ZDHHC2: variants seen among roughly 807,000 people sequenced by gnomAD.
The protein encoded by ZDHHC2 is palmitoyltransferase ZDHHC2.
A neutral mutation model predicts 55.6 loss-of-function variants in ZDHHC2; 51 were observed. That is an observed-to-expected ratio of 0.92 (90% CI 0.73 to 1.16). The LOEUF (loss-of-function observed/expected upper bound fraction) is 1.16, where lower values mean the gene tolerates loss of function less well. Ranked by LOEUF, ZDHHC2 falls within the 50% of genes most tolerant of loss-of-function variation. ZDHHC2 has a pLI of 0.00. For missense variants in ZDHHC2, 491 were observed against 442.4 expected, an observed-to-expected ratio of 1.11 and a Z score of -0.99; for synonymous variants, 199 against 152.9, an observed-to-expected ratio of 1.30 and a Z score of -2.22.
Position 17,222,893 on chromosome 8 carries a change from G to A in ZDHHC2, c.*2672G>A, listed in dbSNP as rs369627685. 9.2e-5 allele frequency: 14 copies of A among 151,862 alleles called. No homozygotes were observed. In the East Asian group the frequency reaches 9.6e-4, roughly 10 times the overall value. 9.4% of individuals were successfully genotyped at this position (151,862 alleles called of 1,614,324 possible). ...CTTGGGAGGGGTGGTGAGAAAATAA[G>A]GTATTTACTTTGTAGTAGTTAAGTG... On this transcript the variant is annotated 3_prime_UTR_variant, in exon 13 of 13. Transcript: ENST00000262096.
At chr8:17,159,204 C>T (rs905879427) in intron 1 of ZDHHC2, among the ~76,000 whole-genome samples, 2 of 152,154 alleles carry the variant, frequency 1.3e-5, no homozygotes, top group African/African-American at 4.8e-5. Flanking sequence ...GAAATACCAG[C>T]CCCCACCCTA....
chr8:17,160,501 C>G (rs966243317), intron 1 of ZDHHC2, among the ~76,000 whole-genome samples: 1 of 152,224 alleles, frequency 6.6e-6, no homozygotes, highest in Non-Finnish European at 1.5e-5. Flanking sequence ...AGAGTTGCCA[C>G]AAGTTCAATG....
chr8:17,187,762 A>G (rs1461900953), intron 3 of ZDHHC2, among the ~76,000 whole-genome samples: 1 of 152,102 alleles, frequency 6.6e-6, no homozygotes, highest in Admixed American at 6.6e-5. Context: ...TTTACATACA[A>G]CCTCTGTTTT....
chr8:17,169,232 ATT>A (rs33912144), intron 1 of ZDHHC2, among the ~76,000 whole-genome samples: 364 of 137,304 alleles, frequency 2.7e-3, no homozygotes, highest in African/African-American at 3.2e-3. Context: ...CACTGCAGCA[ATT>A]TTTTTTTTTT....
At chr8:17,177,390 GA>G (rs1805195456) in intron 1 of ZDHHC2, among the ~76,000 whole-genome samples, 1 of 152,170 alleles carries the variant, frequency 6.6e-6, no homozygotes, top group Non-Finnish European at 1.5e-5. Flanking sequence ...GAAGTCAGGG[GA>G]CAGACTTTGT....
rs200687123 is a variant in ZDHHC2 at position 17,199,565 on chromosome 8, T to G, written c.476+1152T>G. Among the ~76,000 whole-genome samples the G allele has an allele frequency of 1.3e-4, 15 of 112,440 alleles. No homozygotes were observed. In the East Asian group the frequency reaches 1.4e-3, roughly 10 times the overall value. The allele number at this position is 112,440 out of a possible 152,430, so 73.8% of individuals were successfully genotyped here. ...GTCTTCTGTCTTCGTCTTCGTCTTC[T>G]TCGTCTTTGTCTTCTTCTTCTTCTT... On this transcript the variant is annotated intron_variant, in intron 6 of 12. Coordinates refer to ENST00000262096, the MANE Select transcript of ZDHHC2 (RefSeq NM_016353.5).
Position 17,207,983 on chromosome 8 carries a change from C to T in ZDHHC2, c.621C>T (p.Ala207=). The T allele has an allele frequency of 6.3e-7, 1 of 1,578,108 alleles. No individual in the cohort carries two copies. The highest frequency in any genetic ancestry group is 8.6e-7 in the Non-Finnish European group (1 of 1,161,308). ...AGAATGGCCTACCTGATACTCAAGC[C>T]AAGTTCCATATTATGTTTTTATTCT... The part of the protein sequence containing the change: ...FWTNGLPDTQ[A]KFHIMFLFFA... The change falls in exon 8 of 13, where the codon GCC becomes GCT. Residue 207 remains alanine, a synonymous_variant. Transcript: ENST00000262096.
At chr8:17,218,077 A>C (rs532967225) in intron 12 of ZDHHC2, among the ~76,000 whole-genome samples, 112 of 152,170 alleles carry the variant, frequency 7.4e-4, no homozygotes, top group Non-Finnish European at 1.4e-3. Context: ...GGTTTTGGTA[A>C]GTTAGCCATG....
chr8:17,193,416 C>G (rs1262402735), intron 3 of ZDHHC2, among the ~76,000 whole-genome samples: 3 of 152,198 alleles, frequency 2.0e-5, no homozygotes, highest in Non-Finnish European at 4.4e-5. Flanking sequence ...GCTGAGCTGC[C>G]GGGAGCTGGT....
rs1585625574 is a variant in ZDHHC2 at position 17,156,749 on chromosome 8, G to C, written c.26G>C (p.Ser9Thr). 5 of 1,498,246 alleles carry C rather than the reference G, an allele frequency of 3.3e-6. No homozygotes were observed. In the East Asian group the frequency reaches 1.4e-4, roughly 43 times the overall value. 92.8% of individuals were successfully genotyped at this position (1,498,246 alleles called of 1,614,324 possible). Residue 9 changes from serine (S) to threonine (T), a missense_variant, in exon 1 of 13, where the codon AGC becomes ACC. Transcript: ENST00000262096. The stretch of plus-strand genomic sequence containing the variant: ...ATGGCGCCCTCGGGCCCGGGCAGCA[G>C]CGCCAGGCGGCGGTGCCGGCGGGTG... MAPSGPGSSARRRCRRVLY... is the reference protein window; with the variant it reads MAPSGPGSTARRRCRRVLY...
At chr8:17,160,320 C>CT (rs1218683560) in intron 1 of ZDHHC2, among the ~76,000 whole-genome samples, 2 of 152,164 alleles carry the variant, frequency 1.3e-5, no homozygotes, top group Non-Finnish European at 2.9e-5. Context: ...TTTCCTGCTC[C>CT]TTAGGCAGGT....
rs763152666 is a variant in ZDHHC2 at position 17,209,995 on chromosome 8, G to T, written c.794G>T (p.Ser265Ile). The change falls in exon 9 of 13, where the codon AGT (serine) becomes ATT (isoleucine). Residue 265 changes from serine (S) to isoleucine (I), a missense_variant. Coordinates refer to ENST00000262096, the MANE Select transcript of ZDHHC2 (RefSeq NM_016353.5). ...AAGAATGGATTCAGCTTGGGTTTCA[G>T]TAAAAACATGCGACAAGTTTTTGGT... ...TDKNGFSLGF[S>I]KNMRQVFGDE... is the part of the protein sequence containing the mutation. 1 of 1,610,918 alleles carries T rather than the reference G, an allele frequency of 6.2e-7. No homozygotes were observed. Among genetic ancestry groups the T allele is most frequent in the Admixed American group, 1.7e-5 (1 of 59,644 alleles).
intron 1 of ZDHHC2, among the ~76,000 whole-genome samples, chr8:17,173,986 G>T (rs761630810): frequency 1.3e-5 from 2 of 152,136 alleles, no homozygotes; most frequent in Non-Finnish European, 2.9e-5. Context: ...GGAAAATGAT[G>T]TGAACGTACA....
At chr8:17,208,116 G>C in intron 8 of ZDHHC2, 24 bp downstream of exon 8, 1 of 1,528,326 alleles carries the variant, frequency 6.5e-7, no homozygotes, top group South Asian at 1.3e-5. Context: ...TATTGTAGTT[G>C]ACAGAACTTT....
chr8:17,166,722 T>C (rs2150882574), intron 1 of ZDHHC2, among the ~76,000 whole-genome samples: 1 of 150,798 alleles, frequency 6.6e-6, no homozygotes, highest in East Asian at 2.0e-4. Context: ...ACTGAGAGAG[T>C]GTGGTGTCCT....
intron 3 of ZDHHC2, among the ~76,000 whole-genome samples, chr8:17,188,392 T>C (rs1418291403): frequency 6.6e-6 from 1 of 152,198 alleles, no homozygotes; most frequent in Admixed American, 6.5e-5. Flanking sequence ...CTTGTCTCAA[T>C]TTCTGACTTT....
At chr8:17,198,077 A>C (rs1408686173) in intron 5 of ZDHHC2, among the ~76,000 whole-genome samples, 1 of 152,188 alleles carries the variant, frequency 6.6e-6, no homozygotes, top group Non-Finnish European at 1.5e-5. Flanking sequence ...AATCCGTTGC[A>C]GTTTTGTTCT....
intron 3 of ZDHHC2, among the ~76,000 whole-genome samples, chr8:17,193,010 G>A (rs1424932135): frequency 6.6e-6 from 1 of 152,088 alleles, no homozygotes; most frequent in Non-Finnish European, 1.5e-5. Context: ...TGGTTACTGT[G>A]TACGAATGCT....
intron 1 of ZDHHC2, among the ~76,000 whole-genome samples, chr8:17,164,904 G>T (rs1306620914): frequency 6.6e-6 from 1 of 152,160 alleles, no homozygotes; most frequent in Non-Finnish European, 1.5e-5. Flanking sequence ...GTAAGGGTGA[G>T]TACATGGAGT....
Sources: gnomAD v4.1 joint callset for allele counts (sites outside exome capture counted in the v4.1 genomes callset) on GRCh38, gnomAD v4.1.1 for gene constraint, MANE v1.5 for transcripts, NCBI Gene and HGNC (gene_info 2026-07-23, HGNC 2026-07-21) for gene names.